Variants in ATP2C1 observed in about 807,000 individuals in gnomAD.
ATP2C1 encodes ATPase secretory pathway Ca2+ transporting 1, also known as calcium-transporting ATPase type 2C member 1.
A neutral mutation model predicts 120.5 loss-of-function variants in ATP2C1; 31 were observed. That is an observed-to-expected ratio of 0.26 (90% CI 0.19 to 0.35). The LOEUF (loss-of-function observed/expected upper bound fraction) is 0.35. Among genes scored for constraint, ATP2C1 ranks in the 10% least tolerant of loss-of-function variants. ATP2C1 has a pLI of 1.00. For synonymous variants in ATP2C1, 351 were observed against 358.7 expected (o/e 0.98, Z 0.24); for missense variants, 731 against 1,107.5 (o/e 0.66, Z 4.83).
At chr3:130,963,946 A>G (rs1486592953) in intron 12 of ATP2C1, 25 bp from the exon 13 acceptor site, 11 of 1,611,762 alleles carry the variant, frequency 6.8e-6, no homozygotes, top group African/African-American at 5.3e-5. Flanking sequence ...CCTACATTTT[A>G]ATACTTTGTA....
Position 130,956,094 on chromosome 3 carries a change from A to G in ATP2C1, c.757-10A>G. On this transcript the variant is annotated splice_polypyrimidine_tract_variant and intron_variant, in intron 10 of 27. Transcript: ENST00000510168. ...CTAATTGTGGTGACACTCTTCTTCA[A>G]TTTATCAAGGCACCAAAAACCCCTC... is the stretch of plus-strand genomic sequence containing the variant. The G allele has an allele frequency of 1.9e-6, 3 of 1,594,632 alleles. No individual in the cohort carries two copies. The highest frequency in any genetic ancestry group is 2.6e-6 in the Non-Finnish European group (3 of 1,162,886).
intron 1 of ATP2C1, among the ~76,000 whole-genome samples, chr3:130,852,093 G>C (rs2107682780): frequency 6.6e-6 from 1 of 152,336 alleles, no homozygotes; most frequent in African/African-American, 2.4e-5. Flanking sequence ...CACTAAGGGA[G>C]CTAGGCTGGT....
intron 4 of ATP2C1, among the ~76,000 whole-genome samples, chr3:130,934,164 AT>A (rs1364952299): frequency 6.6e-6 from 1 of 151,934 alleles, no homozygotes; most frequent in African/African-American, 2.4e-5. Context: ...AGAGGAGGGA[AT>A]TTTTCTGTGA....
chr3:130,931,359 C>G (rs1474285125), intron 3 of ATP2C1, among the ~76,000 whole-genome samples: 1 of 151,924 alleles, frequency 6.6e-6, no homozygotes, highest in Non-Finnish European at 1.5e-5. Flanking sequence ...TAAACTGTTC[C>G]AAGAAGAAGT....
intron 3 of ATP2C1, 24 bp from the exon 4 acceptor site, chr3:130,931,998 A>G (rs1415244866): frequency 7.1e-7 from 1 of 1,416,294 alleles, no homozygotes; most frequent in Non-Finnish European, 1.0e-6. Context: ...ATTTTCAATA[A>G]CTTTCATGTA....
intron 17 of ATP2C1, 120 bp downstream of exon 17, chr3:130,969,516 A>G: frequency 1.3e-6 from 1 of 748,104 alleles, no homozygotes; most frequent in Non-Finnish European, 2.4e-6. Flanking sequence ...TTTAAAGTAC[A>G]TGTAATTAAT....
chr3:131,009,247 A>T (rs932019828), intron 26 of ATP2C1, among the ~76,000 whole-genome samples: 2 of 148,628 alleles, frequency 1.3e-5, no homozygotes, highest in East Asian at 3.8e-4. Flanking sequence ...GAAAAAATAT[A>T]CTCACTAACT....
At chr3:130,929,172 C>G (rs540425469) in intron 2 of ATP2C1, among the ~76,000 whole-genome samples, 1 of 152,054 alleles carries the variant, frequency 6.6e-6, no homozygotes, top group South Asian at 2.1e-4. Flanking sequence ...TCACCGATAT[C>G]TCCTCATTAA....
intron 2 of ATP2C1, among the ~76,000 whole-genome samples, chr3:130,925,075 A>T (rs1050717732): frequency 2.0e-5 from 3 of 152,076 alleles, no homozygotes; most frequent in African/African-American, 7.2e-5. Flanking sequence ...TTTTCTGGCA[A>T]TTCAGAGAGT....
chr3:130,966,824 G>C (rs949667470), intron 14 of ATP2C1, among the ~76,000 whole-genome samples: 2 of 152,270 alleles, frequency 1.3e-5, no homozygotes, highest in Non-Finnish European at 2.9e-5. Flanking sequence ...TTTGCAAACT[G>C]TAGTATGCTA....
chr3:130,858,782 G>T (rs930511694), intron 1 of ATP2C1, among the ~76,000 whole-genome samples: 3 of 152,186 alleles, frequency 2.0e-5, no homozygotes, highest in Non-Finnish European at 4.4e-5. Context: ...TATGTGTTTT[G>T]TAAGAATCTT....
chr3:130,851,980 A>T (rs914132795), intron 1 of ATP2C1, among the ~76,000 whole-genome samples: 1 of 152,240 alleles, frequency 6.6e-6, no homozygotes, highest in African/African-American at 2.4e-5. Context: ...AAGGCAATGC[A>T]TAATTTGGAA....
Position 130,980,623 on chromosome 3 carries a change from T to G in ATP2C1, c.1783T>G (p.Ser595Ala). Reference sequence around the variant, plus strand: ...GTATTCCAAAACTTCCCAGTCAGTCTCAGGAGAAGAAATAGATGCAATGGA... The same window carrying G: ...GTATTCCAAAACTTCCCAGTCAGTCGCAGGAGAAGAAATAGATGCAATGGA... Reference protein sequence around the residue: ...GLYSKTSQSVSGEEIDAMDVQ... With the variant: ...GLYSKTSQSVAGEEIDAMDVQ... Residue 595 changes from serine to alanine, a missense_variant, in exon 20 of 28, where the codon TCA becomes GCA. Physicochemically the swap from Ser to Ala is moderately conservative, Grantham distance 99 (BLOSUM62 1). Around this residue, in one of 3 missense-constraint regions of ATP2C1, gnomAD observed 571 missense variants for 845.9 expected, o/e 0.67. Coordinates refer to ENST00000510168, the MANE Select transcript of ATP2C1 (RefSeq NM_001378687.1). The G allele has an allele frequency of 6.2e-7, 1 of 1,613,378 alleles. No individual in the cohort carries two copies. Among genetic ancestry groups the G allele is most frequent in the Non-Finnish European group, 8.5e-7 (1 of 1,179,510 alleles).
At chr3:130,960,113 AAAGTC>A (rs1257683683) in intron 12 of ATP2C1, among the ~76,000 whole-genome samples, 18 of 152,332 alleles carry the variant, frequency 1.2e-4, no homozygotes, top group African/African-American at 4.3e-4. Context: ...CTAAAGAAGA[AAAGTC>A]AGGTCATCTA....
chr3:130,959,723 G>C (rs1272179777), intron 12 of ATP2C1: 2 of 156,648 alleles, frequency 1.3e-5, no homozygotes, highest in African/African-American at 4.8e-5. Context: ...AAAACCAAGT[G>C]TTTGTATTTT....
intron 1 of ATP2C1, among the ~76,000 whole-genome samples, chr3:130,877,362 T>C (rs2068636546): frequency 6.6e-6 from 1 of 152,172 alleles, no homozygotes; most frequent in African/African-American, 2.4e-5. Flanking sequence ...ACCTACAGAA[T>C]GGGAGAAAAT....
At chr3:130,882,070 A>C (rs766374119) in intron 1 of ATP2C1, among the ~76,000 whole-genome samples, 5 of 152,218 alleles carry the variant, frequency 3.3e-5, no homozygotes, top group African/African-American at 4.8e-5. Context: ...TGCTCTAGTT[A>C]GGACTTCCAG....
chr3:130,933,202 A>G (rs1576774019), intron 4 of ATP2C1, among the ~76,000 whole-genome samples: 1 of 152,300 alleles, frequency 6.6e-6, no homozygotes, highest in East Asian at 1.9e-4. Flanking sequence ...AGTGCCTGTA[A>G]TGTAGTTAAG....
At chr3:130,972,802 T>C (rs541062319) in intron 17 of ATP2C1, among the ~76,000 whole-genome samples, 35 of 151,466 alleles carry the variant, frequency 2.3e-4, no homozygotes, top group African/African-American at 8.0e-4. Flanking sequence ...ACTCATCATT[T>C]TTTATGGCTG....
Sources: allele counts gnomAD v4.1 joint callset (sites outside exome capture counted in the v4.1 genomes callset), GRCh38; gene constraint gnomAD v4.1.1; regional missense constraint gnomAD v4.1.1; transcripts MANE v1.5; gene names NCBI Gene and HGNC (gene_info 2026-07-23, HGNC 2026-07-21).